The following YWHAE variants were observed in gnomAD, a reference collection of about 807,000 sequenced individuals.
YWHAE encodes tyrosine 3-monooxygenase/tryptophan 5-monooxygenase activation protein epsilon.
Under a neutral mutation model 30.1 loss-of-function variants are expected in YWHAE, and 4 were observed. That is an observed-to-expected ratio of 0.13 (90% confidence interval 0.07 to 0.30). The LOEUF is 0.30. Ranked by LOEUF, YWHAE falls within the 10% of genes least tolerant of loss-of-function variation. The pLI, the probability that YWHAE is intolerant of heterozygous loss-of-function variation, is 1.00. For missense variants in YWHAE, 121 were observed against 315.9 expected (o/e 0.38, Z 4.68); for synonymous variants, 118 against 111.8 (o/e 1.06, Z -0.35).
In YWHAE at chr17:1,345,303, A is replaced by AAC; in HGVS notation, c.*143_*144insGT. 2 of 784,230 alleles carry AAC rather than the reference A, an allele frequency of 2.6e-6. No homozygotes were observed. The highest frequency in any genetic ancestry group is 1.9e-5 in the South Asian group (1 of 53,830). 48.6% of individuals were successfully genotyped at this position (784,230 alleles called of 1,614,324 possible). On this transcript the variant is annotated 3_prime_UTR_variant, in exon 6 of 6. Coordinates refer to ENST00000264335, the MANE Select transcript of YWHAE (RefSeq NM_006761.5). ...TGAAAACTGTTTAAAAAAAAAAAAAAAAAACCAACAGGGCAGGAACCTAAA... is the reference window on the plus strand; with the variant it reads ...TGAAAACTGTTTAAAAAAAAAAAAAAACAAAACCAACAGGGCAGGAACCTAAA...
chr17:1,371,371 C>T (rs1439715433), intron 1 of YWHAE, among the ~76,000 whole-genome samples: 1 of 152,072 alleles, frequency 6.6e-6, no homozygotes, highest in Non-Finnish European at 1.5e-5. Flanking sequence ...AAATGTGCAC[C>T]ACTGCACCCA....
intron 1 of YWHAE, among the ~76,000 whole-genome samples, chr17:1,391,928 A>T (rs1047506862): frequency 2.0e-5 from 3 of 152,062 alleles, no homozygotes; most frequent in Non-Finnish European, 4.4e-5. Flanking sequence ...TACCAAAAAA[A>T]TTTTTTTGCC....
chr17:1,399,164 C>A (rs1048090983), intron 1 of YWHAE: 2 of 152,090 alleles, frequency 1.3e-5, no homozygotes, highest in Non-Finnish European at 2.9e-5. Flanking sequence ...TCTACAAAGG[C>A]TCGAACTCTC....
At chr17:1,346,666 A>C (rs1247707191) in intron 5 of YWHAE, among the ~76,000 whole-genome samples, 1 of 152,222 alleles carries the variant, frequency 6.6e-6, no homozygotes, top group Admixed American at 6.5e-5. Context: ...CAGCCTCAGC[A>C]ACACAGTGAA....
intron 1 of YWHAE, among the ~76,000 whole-genome samples, chr17:1,396,548 A>G (rs2073474922): frequency 6.6e-6 from 1 of 152,216 alleles, no homozygotes; most frequent in South Asian, 2.1e-4. Context: ...AGAGACTAGG[A>G]AAGGACAAAA....
intron 1 of YWHAE, among the ~76,000 whole-genome samples, chr17:1,392,194 G>C (rs1294295926): frequency 6.6e-6 from 1 of 151,660 alleles, no homozygotes; most frequent in Non-Finnish European, 1.5e-5. Context: ...CGGGAAAAAA[G>C]AAAAAGAAAA....
rs373548324 is a variant in YWHAE, at chr17:1,355,931, G to A, written c.579-1584C>T. 5.3e-5 allele frequency among the ~76,000 whole-genome samples: 8 copies of A among 152,246 alleles called. No individual in the cohort carries two copies. In the East Asian group the frequency reaches 1.4e-3, roughly 26 times the overall value. The stretch of plus-strand genomic sequence containing the variant: ...AGCCTGTAATCCCAGCACTTTGGGA[G>A]GCAGAAGCGGGCGGATCACGTGGTT... On this transcript the variant is annotated intron_variant, in intron 4 of 5. Coordinates refer to ENST00000264335, the MANE Select transcript of YWHAE (RefSeq NM_006761.5).
At chr17:1,363,184 C>T (rs1309370074) in intron 2 of YWHAE, among the ~76,000 whole-genome samples, 2 of 152,162 alleles carry the variant, frequency 1.3e-5, no homozygotes, top group East Asian at 1.9e-4. Context: ...ACTCTTGGCC[C>T]GTGGCTTCCT....
chr17:1,370,789 G>A (rs2073029888), intron 1 of YWHAE, among the ~76,000 whole-genome samples: 1 of 151,980 alleles, frequency 6.6e-6, no homozygotes, highest in African/African-American at 2.4e-5. Flanking sequence ...GAGGTCAGGA[G>A]ATGGAGACCA....
Position 1,383,800 on chromosome 17 carries a change from C to T in YWHAE, c.64+16247G>A, listed in dbSNP as rs181619185. ...AAACCTTTTCAGAAAATAGAGTATT[C>T]CCGCAATCTCCGCACTTTGGGAGGC... On this transcript the variant is annotated intron_variant, in intron 1 of 5. Coordinates refer to ENST00000264335, the MANE Select transcript of YWHAE (RefSeq NM_006761.5). Among the ~76,000 whole-genome samples the T allele has an allele frequency of 4.9e-4, 74 of 152,254 alleles. 2 individuals are homozygous for T. In the East Asian group the frequency reaches 0.014, roughly 28 times the overall value.
intron 4 of YWHAE, among the ~76,000 whole-genome samples, chr17:1,355,302 G>A (rs1036170228): frequency 4.7e-5 from 7 of 150,132 alleles, no homozygotes; most frequent in South Asian, 2.1e-4. Flanking sequence ...GACTACAGGC[G>A]CCCGCCACCA....
chr17:1,369,803 G>C (rs1029257469), intron 1 of YWHAE: 1 of 152,166 alleles, frequency 6.6e-6, no homozygotes, highest in Non-Finnish European at 1.5e-5. Flanking sequence ...CCAGTGCATA[G>C]AAAAGTTATG....
chr17:1,370,438 CTTTTTGT>C (rs1182418817), intron 1 of YWHAE, among the ~76,000 whole-genome samples: 4 of 151,430 alleles, frequency 2.6e-5, no homozygotes, highest in African/African-American at 7.3e-5. Flanking sequence ...GCCAGAACAA[CTTTTTGT>C]TTTTTGTTTT....
intron 1 of YWHAE, among the ~76,000 whole-genome samples, chr17:1,384,518 TG>T (rs1488470438): frequency 7.8e-6 from 1 of 128,400 alleles, no homozygotes; most frequent in Non-Finnish European, 1.6e-5. Flanking sequence ...GGTGAAACCC[TG>T]TCTCTACTAA....
chr17:1,360,190 G>C (rs1277038072), intron 4 of YWHAE, among the ~76,000 whole-genome samples: 1 of 152,032 alleles, frequency 6.6e-6, no homozygotes. Flanking sequence ...TCGAACTCCT[G>C]ATCTCAGGTG....
At chr17:1,394,338 A>G (rs1305911974) in intron 1 of YWHAE, among the ~76,000 whole-genome samples, 1 of 150,826 alleles carries the variant, frequency 6.6e-6, no homozygotes, top group East Asian at 2.0e-4. Flanking sequence ...TTAGGCCAGA[A>G]GCAGTGACTC....
chr17:1,349,617 ATTTTT>A (rs201047199), intron 5 of YWHAE, among the ~76,000 whole-genome samples: 1 of 147,608 alleles, frequency 6.8e-6, no homozygotes, highest in Non-Finnish European at 1.5e-5. Context: ...ATTTCACTAG[ATTTTT>A]TTTTTTTTTG....
chr17:1,348,214 T>C (rs2072558918), intron 5 of YWHAE, among the ~76,000 whole-genome samples: 1 of 152,174 alleles, frequency 6.6e-6, no homozygotes, highest in South Asian at 2.1e-4. Flanking sequence ...TTGAAAGACA[T>C]ACAGATATTA....
At chr17:1,384,467 A>G (rs77376275) in intron 1 of YWHAE, among the ~76,000 whole-genome samples, 57,150 of 150,862 alleles carry the variant, frequency 0.38, 11,185 homozygotes, top group Admixed American at 0.54. Context: ...CAAGGCGGGC[A>G]GATCACAACG....
Sources: allele counts gnomAD v4.1 joint callset (sites outside exome capture counted in the v4.1 genomes callset), GRCh38; gene constraint gnomAD v4.1.1; transcripts MANE v1.5; gene names NCBI Gene and HGNC (gene_info 2026-07-23, HGNC 2026-07-21).